Variants in NOX3 observed in about 807,000 individuals in gnomAD.
NOX3 encodes NADPH oxidase catalytic subunit-like 3.
NOX3 carries 74 observed loss-of-function variants against 76.7 expected under a neutral mutation model. The observed-to-expected ratio is 0.96, with a 90% CI of 0.80 to 1.17. NOX3 has a LOEUF of 1.17. Among genes scored for constraint, NOX3 ranks in the 50% most tolerant of loss-of-function variants. The pLI is 0.00. For synonymous variants in NOX3, 263 were observed against 261.1 expected (o/e 1.01, Z -0.07); for missense variants, 695 against 703.3 (o/e 0.99, Z 0.13).
At chr6:155,453,908 C>G (rs1038405686) in intron 3 of NOX3, among the ~76,000 whole-genome samples, 1 of 151,872 alleles carries the variant, frequency 6.6e-6, no homozygotes, top group African/African-American at 2.4e-5. Context: ...ACAGGCATAC[C>G]TCGGAGATAT....
chr6:155,406,773 T>C (rs1562458320), intron 12 of NOX3, among the ~76,000 whole-genome samples: 1 of 152,204 alleles, frequency 6.6e-6, no homozygotes, highest in Non-Finnish European at 1.5e-5. Context: ...TCTCTCTGCT[T>C]TTGCTAGACA....
chr6:155,436,544 C>A lies in NOX3; in HGVS notation c.672G>T (p.Arg224=), dbSNP rs756197732. Reference sequence around the variant, plus strand: ...TGTCTTGGGTTTGGCCTCGAACAATCCGACTTGTTATTTAAGAAAAGCAAA... The same window carrying A: ...TGTCTTGGGTTTGGCCTCGAACAATACGACTTGTTATTTAAGAAAAGCAAA... ...FLSLAIHGTG[R]IVRGQTQDSL... Residue 224 remains arginine, a synonymous_variant, in exon 7 of 14, where the codon CGG becomes CGT. Transcript: ENST00000159060. 2 of 1,611,118 alleles carry A rather than the reference C, an allele frequency of 1.2e-6. No homozygotes were observed. The highest frequency in any genetic ancestry group is 1.1e-5 in the South Asian group (1 of 90,334).
At chr6:155,407,580 C>T (rs753565005) in intron 11 of NOX3, among the ~76,000 whole-genome samples, 1 of 152,198 alleles carries the variant, frequency 6.6e-6, no homozygotes, top group Non-Finnish European at 1.5e-5. Flanking sequence ...AAGCACTAAA[C>T]GACTTCCTTC....
intron 9 of NOX3, among the ~76,000 whole-genome samples, chr6:155,425,669 C>T (rs776051404): frequency 3.3e-5 from 5 of 152,142 alleles, no homozygotes; most frequent in Non-Finnish European, 7.3e-5. Context: ...CTAAACAAAG[C>T]CATGAGTACT....
At position 155,410,052 on chromosome 6, in the gene NOX3, A is replaced by T. The variant is rs1022779090; in HGVS notation, c.1455+1162T>A. ...TCTCTACTTCACCAAACTGTTCATCAGTCAAAAATCCCACTTGAATAAGGA... is the reference window on the plus strand; with the variant it reads ...TCTCTACTTCACCAAACTGTTCATCTGTCAAAAATCCCACTTGAATAAGGA... On this transcript the variant is annotated intron_variant, in intron 11 of 13. Coordinates refer to ENST00000159060, the MANE Select transcript of NOX3 (RefSeq NM_015718.3). Among the ~76,000 whole-genome samples, 3 of 152,214 alleles carry T rather than the reference A, an allele frequency of 2.0e-5. No homozygotes were observed. The East Asian group carries it at 5.8e-4, about 29-fold the overall frequency.
intron 7 of NOX3, among the ~76,000 whole-genome samples, chr6:155,434,089 G>A (rs1776870777): frequency 6.6e-6 from 1 of 152,162 alleles, no homozygotes; most frequent in Non-Finnish European, 1.5e-5. Flanking sequence ...TTTTATGTGT[G>A]TGTTTATGAA....
At chr6:155,420,899 CATTTCTATGGTAAT>C (rs1380880572) in intron 10 of NOX3, among the ~76,000 whole-genome samples, 1 of 152,168 alleles carries the variant, frequency 6.6e-6, no homozygotes, top group Non-Finnish European at 1.5e-5. Context: ...TCTGTATACA[CATTTCTATGGTAAT>C]ATTTCCATAT....
chr6:155,435,303 G>C lies in NOX3; in HGVS notation c.798+1115C>G, dbSNP rs374695628. Among the ~76,000 whole-genome samples the C allele has an allele frequency of 2.8e-3, 420 of 152,164 alleles. 2 individuals are homozygous for C. The highest frequency in any genetic ancestry group is 4.9e-3 in the Non-Finnish European group (335 of 68,004). ...GGGGGAGTATTGATTTTTTTATGGA[G>C]ATGCTGTAGCTGAAAATTTTAGAGA... On this transcript the variant is annotated intron_variant, in intron 7 of 13. Transcript: ENST00000159060.
chr6:155,437,779 G>T (rs992132332), intron 6 of NOX3, among the ~76,000 whole-genome samples: 17 of 152,130 alleles, frequency 1.1e-4, no homozygotes, highest in Non-Finnish European at 2.4e-4. Flanking sequence ...CATTTTAAAC[G>T]TTTGAAATGT....
At chr6:155,428,290 G>A (rs1776782871) in intron 9 of NOX3, among the ~76,000 whole-genome samples, 1 of 152,240 alleles carries the variant, frequency 6.6e-6, no homozygotes, top group East Asian at 1.9e-4. Flanking sequence ...TTTAGAAATA[G>A]GGTTGCAGAC....
chr6:155,448,238 G>C (rs1777090069), intron 4 of NOX3, among the ~76,000 whole-genome samples: 1 of 152,070 alleles, frequency 6.6e-6, no homozygotes, highest in Admixed American at 6.5e-5. Flanking sequence ...AGTTAACTGG[G>C]AGCATATTTA....
chr6:155,423,748 T>TC (rs908324910), intron 9 of NOX3, among the ~76,000 whole-genome samples: 2 of 149,968 alleles, frequency 1.3e-5, no homozygotes, highest in Non-Finnish European at 3.0e-5. Context: ...TTTTTCTTTT[T>TC]TTTTTTTTTT....
chr6:155,439,117 C>T (rs1020768342), intron 6 of NOX3, among the ~76,000 whole-genome samples: 1 of 152,144 alleles, frequency 6.6e-6, no homozygotes. Flanking sequence ...GAAATGGGGA[C>T]AGCAGCACCT....
intron 3 of NOX3, among the ~76,000 whole-genome samples, chr6:155,454,150 G>A (rs573963647): frequency 1.3e-5 from 2 of 152,230 alleles, no homozygotes; most frequent in African/African-American, 2.4e-5. Flanking sequence ...AAAAAATGGC[G>A]CTAGTATACT....
intron 4 of NOX3, among the ~76,000 whole-genome samples, chr6:155,444,784 A>G (rs1777039827): frequency 6.6e-6 from 1 of 152,178 alleles, no homozygotes; most frequent in South Asian, 2.1e-4. Context: ...GGTCAGTACT[A>G]TCCCCTGTTT....
chr6:155,447,188 G>T (rs1777075894), intron 4 of NOX3, among the ~76,000 whole-genome samples: 1 of 151,894 alleles, frequency 6.6e-6, no homozygotes, highest in Admixed American at 6.6e-5. Flanking sequence ...GGGATTACAG[G>T]CACACGCCAC....
chr6:155,432,296 C>G (rs1369895885), intron 7 of NOX3, among the ~76,000 whole-genome samples: 1 of 151,296 alleles, frequency 6.6e-6, no homozygotes, highest in Non-Finnish European at 1.5e-5. Context: ...CCTGGAGAGT[C>G]TGAGGTGGAC....
rs576880445 is a variant in NOX3, at chr6:155,442,003, G to A, written c.486+1270C>T. Among the ~76,000 whole-genome samples, 29 of 152,244 alleles carry A rather than the reference G, an allele frequency of 1.9e-4. No individual in the cohort carries two copies. The Middle Eastern group carries it at 0.01, about 54-fold the overall frequency. On this transcript the variant is annotated intron_variant, in intron 5 of 13. Coordinates refer to ENST00000159060, the MANE Select transcript of NOX3 (RefSeq NM_015718.3). The stretch of plus-strand genomic sequence containing the variant: ...GCTCAAGCCGAGCGCGGTGGCTCAC[G>A]CCTGTAATCCCAGCACTTTGGGAGG...
intron 11 of NOX3, 152 bp from the exon 12 acceptor site, chr6:155,407,406 G>C: frequency 1.3e-6 from 1 of 744,350 alleles, no homozygotes; most frequent in South Asian, 2.0e-5. Flanking sequence ...TGTCTCCAAT[G>C]CTGCACTTTA....
Sources: gnomAD v4.1 joint callset for allele counts (sites outside exome capture counted in the v4.1 genomes callset) on GRCh38, gnomAD v4.1.1 for gene constraint, MANE v1.5 for transcripts, NCBI Gene and HGNC (gene_info 2026-07-23, HGNC 2026-07-21) for gene names.